The following ADGRL2 variants were observed in gnomAD, a reference collection of about 807,000 sequenced individuals.
The protein encoded by ADGRL2 is adhesion G protein-coupled receptor L2.
A neutral mutation model predicts 157.4 loss-of-function variants in ADGRL2; 44 were observed. The ratio of observed to expected loss-of-function variants is 0.28; its 90% CI spans 0.22 to 0.36. The LOEUF (loss-of-function observed/expected upper bound fraction) is 0.36. Among genes scored for constraint, ADGRL2 ranks in the 10% least tolerant of loss-of-function variants. The pLI is 1.00. For synonymous variants in ADGRL2, 585 were observed against 624.7 expected, an observed-to-expected ratio of 0.94 and a Z score of 0.95; for missense variants, 1,510 against 1,768.9, an observed-to-expected ratio of 0.85 and a Z score of 2.63.
At chr1:81,904,054 A>G (rs1164190324) in intron 2 of ADGRL2, among the ~76,000 whole-genome samples, 1 of 152,076 alleles carries the variant, frequency 6.6e-6, no homozygotes, top group Non-Finnish European at 1.5e-5. Flanking sequence ...CAAAGGAAAT[A>G]GACATTACAA....
At chr1:81,500,565 A>C (rs1217540518) in intron 2 of ADGRL2, among the ~76,000 whole-genome samples, 2 of 152,220 alleles carry the variant, frequency 1.3e-5, no homozygotes, top group African/African-American at 4.8e-5. Flanking sequence ...CAAATACTGC[A>C]GGATCTCACT....
chr1:81,637,276 G>T (rs941706195), intron 3 of ADGRL2, among the ~76,000 whole-genome samples: 5 of 152,138 alleles, frequency 3.3e-5, no homozygotes, highest in African/African-American at 9.7e-5. Context: ...GTGAGGTAAA[G>T]GAATAGTTAT....
intron 2 of ADGRL2, among the ~76,000 whole-genome samples, chr1:81,841,021 C>A (rs998361259): frequency 6.6e-6 from 1 of 152,196 alleles, no homozygotes; most frequent in South Asian, 2.1e-4. Flanking sequence ...GGAGCCTTGG[C>A]AAGCATAAGT....
chr1:81,467,537 T>C (rs1255157825), intron 2 of ADGRL2, among the ~76,000 whole-genome samples: 3 of 152,190 alleles, frequency 2.0e-5, no homozygotes, highest in African/African-American at 7.2e-5. Flanking sequence ...GACTTTGAAA[T>C]TAAAGTCTCA....
chr1:81,883,088 C>T (rs1376841832), intron 2 of ADGRL2, among the ~76,000 whole-genome samples: 1 of 151,996 alleles, frequency 6.6e-6, no homozygotes, highest in African/African-American at 2.4e-5. Context: ...TTTGTGAAAC[C>T]CAGGCATATA....
chr1:81,490,496 C>A (rs1312841434), intron 2 of ADGRL2, among the ~76,000 whole-genome samples: 1 of 152,106 alleles, frequency 6.6e-6, no homozygotes, highest in Non-Finnish European at 1.5e-5. Flanking sequence ...GGGCAAAAGA[C>A]TAAATAGGCA....
chr1:81,903,728 T>TAC (rs1553184648), intron 2 of ADGRL2, among the ~76,000 whole-genome samples: 13 of 146,338 alleles, frequency 8.9e-5, no homozygotes, highest in East Asian at 3.9e-4. Flanking sequence ...TATATATATA[T>TAC]ACATTATATA....
At chr1:81,454,130 C>T (rs2077754494) in intron 2 of ADGRL2, among the ~76,000 whole-genome samples, 1 of 150,334 alleles carries the variant, frequency 6.7e-6, no homozygotes, top group Non-Finnish European at 1.5e-5. Context: ...TAAACCAGGG[C>T]ATTATTGGCT....
At chr1:81,724,648 C>T (rs1279221906) in intron 1 of ADGRL2, among the ~76,000 whole-genome samples, 2 of 152,156 alleles carry the variant, frequency 1.3e-5, no homozygotes, top group Non-Finnish European at 2.9e-5. Flanking sequence ...TGCTATGTTT[C>T]TAACAATGTT....
intron 1 of ADGRL2, among the ~76,000 whole-genome samples, chr1:81,747,307 ATTT>A (rs369526684): frequency 2.1e-4 from 30 of 143,562 alleles, no homozygotes; most frequent in Admixed American, 4.9e-4. Context: ...ATATATATAT[ATTT>A]TTTTTTTTGA....
intron 19 of ADGRL2, 91 bp downstream of exon 19, chr1:81,982,067 G>T: frequency 9.6e-7 from 1 of 1,041,622 alleles, no homozygotes; most frequent in South Asian, 1.7e-5. Context: ...AGTCACATCT[G>T]GCATATTGTT....
In ADGRL2 at chr1:81,806,191, A is replaced by G. The variant is rs138183826; in HGVS notation, c.-101+5123A>G. Among the ~76,000 whole-genome samples the G allele has an allele frequency of 3.0e-4, 45 of 152,154 alleles. 1 individual carries two copies. In the East Asian group the frequency reaches 5.0e-3, roughly 17 times the overall value. Reference sequence around the variant, plus strand: ...GACTTGAGAATTTCCAATAAGTATAATTTTTTCCAGGCTTTTGACTGTCTG... The same window carrying G: ...GACTTGAGAATTTCCAATAAGTATAGTTTTTTCCAGGCTTTTGACTGTCTG... On this transcript the variant is annotated intron_variant, in intron 1 of 23. Coordinates refer to ENST00000686636, the MANE Select transcript of ADGRL2 (RefSeq NM_001366006.2).
chr1:81,463,671 T>A (rs550423693), intron 2 of ADGRL2, among the ~76,000 whole-genome samples: 6 of 152,274 alleles, frequency 3.9e-5, no homozygotes, highest in African/African-American at 7.2e-5. Context: ...GTTACCTAAA[T>A]TAGTAAAACA....
chr1:81,593,382 T>C (rs1359894008), intron 3 of ADGRL2, among the ~76,000 whole-genome samples: 1 of 152,210 alleles, frequency 6.6e-6, no homozygotes, highest in Admixed American at 6.5e-5. Flanking sequence ...TTTAAATTTC[T>C]GTGCCTCCTC....
intron 10 of ADGRL2, among the ~76,000 whole-genome samples, chr1:81,953,614 G>C (rs559577450): frequency 1.3e-5 from 2 of 152,248 alleles, no homozygotes; most frequent in African/African-American, 4.8e-5. Flanking sequence ...AGCCACTGTT[G>C]AGCTCAGAAT....
intron 3 of ADGRL2, among the ~76,000 whole-genome samples, chr1:81,691,878 G>GTATATATATATATTATA (rs755115574): frequency 8.2e-6 from 1 of 122,446 alleles, no homozygotes; most frequent in Non-Finnish European, 1.7e-5. Context: ...GTGTGTGTGT[G>GTATATATATATATTATA]TGTATATATA....
chr1:81,719,928 T>C (rs1339534166), intron 1 of ADGRL2, among the ~76,000 whole-genome samples: 2 of 152,092 alleles, frequency 1.3e-5, no homozygotes, highest in Non-Finnish European at 2.9e-5. Context: ...CATGATTTTG[T>C]GGACTGTGTT....
intron 2 of ADGRL2, among the ~76,000 whole-genome samples, chr1:81,892,803 T>G: frequency 6.6e-6 from 1 of 152,318 alleles, no homozygotes. Flanking sequence ...ATTGTTCTTT[T>G]GATTTTGTTT....
chr1:81,518,814 G>A (rs2079242666), intron 2 of ADGRL2, among the ~76,000 whole-genome samples: 1 of 151,524 alleles, frequency 6.6e-6, no homozygotes, highest in African/African-American at 2.4e-5. Flanking sequence ...AAAAAAAAAG[G>A]TATTTATCTC....
Sources: allele counts gnomAD v4.1 joint callset (sites outside exome capture counted in the v4.1 genomes callset), GRCh38; gene constraint gnomAD v4.1.1; transcripts MANE v1.5; gene names NCBI Gene and HGNC (gene_info 2026-07-23, HGNC 2026-07-21).